RXRA: variants seen among roughly 807,000 people sequenced by gnomAD.
The protein encoded by RXRA is retinoic acid receptor RXR-alpha.
In RXRA, 5 loss-of-function variants were observed where a neutral mutation model predicts 44.5. The ratio of observed to expected loss-of-function variants is 0.11; its 90% CI spans 0.06 to 0.24. RXRA has a LOEUF of 0.24. RXRA is among the 10% of genes least tolerant of loss of function. The probability of loss-of-function intolerance (pLI) is 1.00; values close to 1 mark genes in which losing one functional copy is unlikely to be tolerated. For missense variants in RXRA, 412 were observed against 646.5 expected (o/e 0.64, Z 3.93); for synonymous variants, 291 against 271.4 (o/e 1.07, Z -0.71).
chr9:134,417,239 C>G lies in RXRA; in HGVS notation c.692C>G (p.Pro231Arg), dbSNP rs777558913. 1.9e-6 allele frequency: 3 copies of G among 1,613,862 alleles called. No individual in the cohort carries two copies. The Admixed American group carries it at 5.0e-5, about 27-fold the overall frequency. ...ACCAGCAGCGCCAACGAGGACATGC[C>G]GGTGGAGAGGATCCTGGAGGCTGAG... ...ESTSSANEDM[P>R]VERILEAELA... The change falls in exon 5 of 10, where the codon CCG (proline) becomes CGG (arginine). Residue 231 changes from proline to arginine, a missense_variant. Pro to Arg is a moderately radical substitution (Grantham distance 103). Coordinates refer to ENST00000481739, the MANE Select transcript of RXRA (RefSeq NM_002957.6). This position sits in a 1 kb window ranked among gnomAD's most constrained non-coding sequence, Gnocchi z 6.1.
intron 1 of RXRA, among the ~76,000 whole-genome samples, chr9:134,346,423 C>T (rs1215906454): frequency 1.3e-5 from 2 of 152,232 alleles, no homozygotes; most frequent in Non-Finnish European, 2.9e-5. Flanking sequence ...CCCCAGACCC[C>T]CAGCTGCCGT....
chr9:134,353,863 G>A (rs1242201734), intron 1 of RXRA, among the ~76,000 whole-genome samples: 2 of 152,228 alleles, frequency 1.3e-5, no homozygotes, highest in East Asian at 1.9e-4. Flanking sequence ...ACTCATCCAC[G>A]AGCCCTGCTG....
rs3132298 is a variant in RXRA, at chr9:134,407,366, A to G, written c.280-783A>G. On this transcript the variant is annotated intron_variant, in intron 2 of 9. Transcript: ENST00000481739. The surrounding 1 kb of genome is among the most constrained non-coding windows in gnomAD (Gnocchi z 4.8). ...CAAGCGCTTACCGCCCTGCGCAGCC[A>G]GGCTGGCTGGCAGGCTGCAGCGGGA... 0.86 allele frequency among the ~76,000 whole-genome samples: 131,069 copies of G among 152,254 alleles called. 56,859 individuals carry two copies. Among genetic ancestry groups the G allele is most frequent in the African/African-American group, 0.97 (40,142 of 41,564 alleles).
At chr9:134,401,926 T>G (rs773795079) in intron 2 of RXRA, 44 bp downstream of exon 2, 3 of 1,444,380 alleles carry the variant, frequency 2.1e-6, no homozygotes, top group Admixed American at 2.4e-5. Flanking sequence ...GGGCCTGGGG[T>G]GGGGCTGTGG....
At chr9:134,409,497 G>A (rs530263053) in intron 4 of RXRA, among the ~76,000 whole-genome samples, 3 of 152,340 alleles carry the variant, frequency 2.0e-5, no homozygotes, top group East Asian at 3.9e-4. Flanking sequence ...CAGGGCCGCC[G>A]GATGGCCCCC....
chr9:134,394,592 C>T (rs1480030483), intron 1 of RXRA, among the ~76,000 whole-genome samples: 1 of 151,872 alleles, frequency 6.6e-6, no homozygotes, highest in Admixed American at 6.6e-5. Context: ...GTCTGGGTTG[C>T]AGATCTACCC....
chr9:134,377,200 A>G (rs1056671104), intron 1 of RXRA, among the ~76,000 whole-genome samples: 1 of 152,108 alleles, frequency 6.6e-6, no homozygotes, highest in Non-Finnish European at 1.5e-5. Flanking sequence ...CTCCGCTTTC[A>G]TTTCTGGGGG....
intron 6 of RXRA, chr9:134,424,342 C>A (rs34108627): frequency 0.063 from 62,424 of 985,338 alleles, 2,142 homozygotes; most frequent in Non-Finnish European, 0.07. Context: ...TCCTGCCCAG[C>A]GGCTCTTTCC....
At chr9:134,331,815 G>A (rs1472030206) in intron 1 of RXRA, among the ~76,000 whole-genome samples, 1 of 152,236 alleles carries the variant, frequency 6.6e-6, no homozygotes, top group Non-Finnish European at 1.5e-5. Flanking sequence ...GCCGCCTTGA[G>A]CTCCAGCTGG....
intron 4 of RXRA, among the ~76,000 whole-genome samples, chr9:134,414,907 C>G (rs904437666): frequency 1.3e-5 from 2 of 152,176 alleles, no homozygotes; most frequent in African/African-American, 4.8e-5. Flanking sequence ...AGTAGTGACC[C>G]CGCCCCGGAT....
At chr9:134,412,647 C>T (rs1385296358) in intron 4 of RXRA, among the ~76,000 whole-genome samples, 4 of 152,132 alleles carry the variant, frequency 2.6e-5, no homozygotes, top group Non-Finnish European at 1.5e-5. Flanking sequence ...GGGGGACGTG[C>T]AGTGGTGGGT....
rs778625488 is a variant in RXRA at position 134,434,160 on chromosome 9, G to A, written c.1194G>A (p.Ala398=). Reference sequence around the variant, plus strand: ...AGGCGCTGAGGGAGAAGGTCTATGCGTCCTTGGAGGCCTACTGCAAGCACA... The same window carrying A: ...AGGCGCTGAGGGAGAAGGTCTATGCATCCTTGGAGGCCTACTGCAAGCACA... ...EVEALREKVY[A]SLEAYCKHKY... is the part of the protein sequence containing the mutation. The change falls in exon 9 of 10, where the codon GCG becomes GCA. Residue 398 remains alanine, a synonymous_variant. Coordinates refer to ENST00000481739, the MANE Select transcript of RXRA (RefSeq NM_002957.6). 1.4e-5 allele frequency: 22 copies of A among 1,613,736 alleles called. No homozygotes were observed. Among genetic ancestry groups the A allele is most frequent in the Admixed American group, 5.0e-5 (3 of 60,002 alleles).
chr9:134,353,229 T>C lies in RXRA; in HGVS notation c.28+26570T>C, dbSNP rs371747947. ...AAACAGCAAATTGAGCTCTCCCGGC[T>C]GTGGAGGAGGTGGGCTTGTTTTCTT... On this transcript the variant is annotated intron_variant, in intron 1 of 9. Coordinates refer to ENST00000481739, the MANE Select transcript of RXRA (RefSeq NM_002957.6). Among the ~76,000 whole-genome samples, 12 of 152,044 alleles carry C rather than the reference T, an allele frequency of 7.9e-5. No homozygotes were observed. The East Asian group carries it at 1.7e-3, about 22-fold the overall frequency.
At chr9:134,425,487 CT>C in intron 6 of RXRA, 9 of 982,708 alleles carry the variant, frequency 9.2e-6, no homozygotes, top group Non-Finnish European at 1.1e-5. Flanking sequence ...GTGTTAGCTG[CT>C]CCAGCGGGGT....
chr9:134,387,868 C>A (rs543518806), intron 1 of RXRA, among the ~76,000 whole-genome samples: 2 of 152,174 alleles, frequency 1.3e-5, no homozygotes, highest in African/African-American at 4.8e-5. Context: ...CGTGAAGGCC[C>A]GTTCCCAGCC....
At position 134,431,881 on chromosome 9, in the gene RXRA, G is replaced by A. The variant is rs770291217; in HGVS notation, c.1044-24G>A. ...GAGGGCTGCGACCTAACTGGGATGG[G>A]GTGTCTGCCCTCCTCCTCTGCAGGG... On this transcript the variant is annotated intron_variant, in intron 7 of 9. Coordinates refer to ENST00000481739, the MANE Select transcript of RXRA (RefSeq NM_002957.6). 11 of 1,583,066 alleles carry A rather than the reference G, an allele frequency of 6.9e-6. No homozygotes were observed. In the South Asian group the frequency reaches 1.1e-4, roughly 16 times the overall value.
chr9:134,333,378 C>T lies in RXRA; in HGVS notation c.28+6719C>T, dbSNP rs186009218. Among the ~76,000 whole-genome samples the T allele has an allele frequency of 1.4e-3, 219 of 152,280 alleles. 1 individual carries two copies. The highest frequency in any genetic ancestry group is 5.1e-3 in the African/African-American group (211 of 41,554). ...GGCCGTGCCTGGCCTCCCCGCACCT[C>T]TGTTGGCCCTCTAAGCCATAGTAAT... On this transcript the variant is annotated intron_variant, in intron 1 of 9. Coordinates refer to ENST00000481739, the MANE Select transcript of RXRA (RefSeq NM_002957.6).
rs1056348276 is a variant in RXRA, at chr9:134,407,528, G to A, written c.280-621G>A. Among the ~76,000 whole-genome samples, 2 of 152,360 alleles carry A rather than the reference G, an allele frequency of 1.3e-5. No individual in the cohort carries two copies. Among genetic ancestry groups the A allele is most frequent in the East Asian group, 1.9e-4 (1 of 5,180 alleles). ...CACGCTTGCCCGGGCGGCAGCGTGC[G>A]GGCCGGCGGGTGGGGCGGAGGGGTG... is the stretch of plus-strand genomic sequence containing the variant. On this transcript the variant is annotated intron_variant, in intron 2 of 9. Coordinates refer to ENST00000481739, the MANE Select transcript of RXRA (RefSeq NM_002957.6). The surrounding 1 kb of genome is among the most constrained non-coding windows in gnomAD (Gnocchi z 4.8).
rs1211574578 is a variant in RXRA, at chr9:134,426,520, T to TCCCC, written c.911-2586_911-2585insCCCC. On this transcript the variant is annotated intron_variant, in intron 6 of 9. Transcript: ENST00000481739. This position sits in a 1 kb window ranked among gnomAD's most constrained non-coding sequence, Gnocchi z 4.6. Reference sequence around the variant, plus strand: ...CGTGCCGGAGGGTGCAGAGAGAGACTCCGCACTGTTCTGTCCGTGTGTCTG... The same window carrying TCCCC: ...CGTGCCGGAGGGTGCAGAGAGAGACTCCCCCCGCACTGTTCTGTCCGTGTGTCTG... The TCCCC allele has an allele frequency of 6.1e-6, 6 of 985,438 alleles. No homozygotes were observed. The highest frequency in any genetic ancestry group is 7.2e-6 in the Non-Finnish European group (6 of 829,920). 61.0% of individuals were successfully genotyped at this position (985,438 alleles called of 1,614,324 possible).
Sources: allele counts gnomAD v4.1 joint callset (sites outside exome capture counted in the v4.1 genomes callset), GRCh38; gene constraint gnomAD v4.1.1; non-coding constraint Gnocchi (gnomAD v3.1); transcripts MANE v1.5; gene names NCBI Gene and HGNC (gene_info 2026-07-23, HGNC 2026-07-21).